Variants in RAD52 observed in about 807,000 individuals in gnomAD.
RAD52 encodes DNA repair protein RAD52 homolog.
RAD52 carries 47 observed loss-of-function variants against 55.5 expected under a neutral mutation model. That is an observed-to-expected ratio of 0.85 (90% confidence interval 0.67 to 1.08). The LOEUF (loss-of-function observed/expected upper bound fraction) is 1.08. RAD52 is among the 50% of genes least tolerant of loss of function. The probability of loss-of-function intolerance (pLI) is 0.00; values close to 1 mark genes in which losing one functional copy is unlikely to be tolerated. For missense variants in RAD52, 468 were observed against 522.8 expected (o/e 0.90, Z 1.02); for synonymous variants, 184 against 198.9 (o/e 0.92, Z 0.63).
chr12:955,458 T>A (rs958471460), intron 1 of RAD52, among the ~76,000 whole-genome samples: 2 of 120,012 alleles, frequency 1.7e-5, no homozygotes, highest in Admixed American at 1.8e-4. Flanking sequence ...GACAGCAACG[T>A]ACTGTTCTTC....
intron 9 of RAD52, 101 bp downstream of exon 9, chr12:916,243 T>TA: frequency 7.2e-6 from 11 of 1,531,814 alleles, no homozygotes; most frequent in East Asian, 4.6e-5. Context: ...CGAGGCCTGG[T>TA]TTGGAGCCGG....
intron 1 of RAD52, chr12:936,976 AC>A (rs34838626): frequency 6.6e-6 from 1 of 151,958 alleles, no homozygotes; most frequent in Non-Finnish European, 1.5e-5. Context: ...ATCACTTCCC[AC>A]CCGTGGCTTG....
At chr12:941,412 A>G (rs1957913750) in intron 1 of RAD52, among the ~76,000 whole-genome samples, 1 of 147,598 alleles carries the variant, frequency 6.8e-6, no homozygotes, top group African/African-American at 2.5e-5. Flanking sequence ...TCTGCCTCCC[A>G]GGTTCAAGTG....
chr12:945,345 T>A (rs1958155733), intron 1 of RAD52, among the ~76,000 whole-genome samples: 1 of 137,322 alleles, frequency 7.3e-6, no homozygotes, highest in African/African-American at 2.8e-5. Context: ...TGAGACTCTG[T>A]CTCAAAAAAA....
intron 1 of RAD52, among the ~76,000 whole-genome samples, chr12:941,587 G>T (rs1009402110): frequency 1.3e-5 from 2 of 150,846 alleles, no homozygotes; most frequent in African/African-American, 4.9e-5. Context: ...CAAATTGCTG[G>T]GATTACAGGT....
chr12:927,605 G>T (rs1172530703), intron 5 of RAD52, among the ~76,000 whole-genome samples: 1 of 152,038 alleles, frequency 6.6e-6, no homozygotes. Context: ...GGTGGCTCAC[G>T]CTGTAATCCC....
At chr12:920,480 C>T (rs1304738607) in intron 7 of RAD52, among the ~76,000 whole-genome samples, 3 of 150,930 alleles carry the variant, frequency 2.0e-5, no homozygotes, top group African/African-American at 4.9e-5. Context: ...TGGTGTGAAC[C>T]CAGGAGGCAG....
chr12:925,333 C>A, intron 7 of RAD52, 117 bp downstream of exon 7: 1 of 831,964 alleles, frequency 1.2e-6, no homozygotes. Context: ...TCAACATTCC[C>A]GACCCTCTAA....
intron 1 of RAD52, among the ~76,000 whole-genome samples, chr12:986,295 C>T (rs1959085143): frequency 6.6e-6 from 1 of 152,024 alleles, no homozygotes; most frequent in African/African-American, 2.4e-5. Flanking sequence ...AACTCCTGGG[C>T]TGAAGCAATC....
At chr12:975,559 C>G (rs540786782) in intron 1 of RAD52, 1 of 152,234 alleles carries the variant, frequency 6.6e-6, no homozygotes, top group Non-Finnish European at 1.5e-5. Flanking sequence ...CATCCCAAAC[C>G]AGAAGTAACC....
At chr12:940,409 CA>C (rs1161271071) in intron 1 of RAD52, among the ~76,000 whole-genome samples, 2 of 152,000 alleles carry the variant, frequency 1.3e-5, no homozygotes, top group Non-Finnish European at 2.9e-5. Context: ...ACAGCCTTGC[CA>C]ACATGATGAA....
At chr12:960,643 G>T (rs1226413300) in intron 1 of RAD52, among the ~76,000 whole-genome samples, 1 of 152,064 alleles carries the variant, frequency 6.6e-6, no homozygotes, top group Admixed American at 6.6e-5. Flanking sequence ...TGTTGTTGTT[G>T]TTTGTAAAGA....
chr12:927,106 C>T (rs774109881), intron 6 of RAD52, 39 bp downstream of exon 6: 1 of 1,585,474 alleles, frequency 6.3e-7, no homozygotes, highest in East Asian at 2.2e-5. Flanking sequence ...GAAGCAAGAG[C>T]TGAAATGACG....
intron 1 of RAD52, among the ~76,000 whole-genome samples, chr12:972,585 T>G (rs1958875679): frequency 6.6e-6 from 1 of 150,702 alleles, no homozygotes; most frequent in South Asian, 2.1e-4. Context: ...GCTAACACGG[T>G]GAAACCCCGT....
At position 913,164 on chromosome 12, in the gene RAD52, C is replaced by T; in HGVS notation, c.*227G>A. 1 of 460,532 alleles carries T rather than the reference C, an allele frequency of 2.2e-6. No individual in the cohort carries two copies. 28.5% of individuals were successfully genotyped at this position (460,532 alleles called of 1,614,324 possible). A position where few individuals can be genotyped will look rare whatever the true frequency, so the allele number is the denominator to read the frequency against. On this transcript the variant is annotated 3_prime_UTR_variant, in exon 12 of 12. Transcript: ENST00000358495. ...CCTCACAAGCCGAAGAAAAGGTATTCATCTGTCCAGAGCCTCTCCCTACTA... is the reference window on the plus strand; with the variant it reads ...CCTCACAAGCCGAAGAAAAGGTATTTATCTGTCCAGAGCCTCTCCCTACTA...
intron 1 of RAD52, among the ~76,000 whole-genome samples, chr12:946,372 A>G (rs1233375908): frequency 6.6e-6 from 1 of 152,202 alleles, no homozygotes; most frequent in Non-Finnish European, 1.5e-5. Flanking sequence ...CTGTAAAGCC[A>G]TCATGAACAC....
intron 5 of RAD52, among the ~76,000 whole-genome samples, chr12:928,659 C>G (rs995168533): frequency 4.6e-5 from 7 of 151,870 alleles, no homozygotes; most frequent in Non-Finnish European, 8.8e-5. Flanking sequence ...ATTTTTGTGG[C>G]AAGATTTCAT....
chr12:953,727 T>C (rs914015665), upstream of RAD52, among the ~76,000 whole-genome samples: 20 of 152,352 alleles, frequency 1.3e-4, no homozygotes, highest in African/African-American at 4.8e-4. Context: ...ACTAACACAA[T>C]GTGATTTCTA....
At position 914,106 on chromosome 12, in the gene RAD52, T is replaced by C. The variant is rs1401745185; in HGVS notation, c.983A>G (p.Asn328Ser). 2 of 1,613,870 alleles carry C rather than the reference T, an allele frequency of 1.2e-6. No individual in the cohort carries two copies. Among genetic ancestry groups the C allele is most frequent in the Non-Finnish European group, 1.7e-6 (2 of 1,179,974 alleles). ...TQELIKTLED[N>S]SEKWAVTPDA... Reference sequence around the variant, plus strand: ...GGGAGTCACAGCCCACTTTTCAGAGTTGTCTTCAAGAGTCTCTACAGAGGT... The same window carrying C: ...GGGAGTCACAGCCCACTTTTCAGAGCTGTCTTCAAGAGTCTCTACAGAGGT... The change falls in exon 11 of 12, where the codon AAC becomes AGC. Residue 328 changes from asparagine (N) to serine (S), a missense_variant. Transcript: ENST00000358495.
Sources: allele counts gnomAD v4.1 joint callset (sites outside exome capture counted in the v4.1 genomes callset), GRCh38; gene constraint gnomAD v4.1.1; transcripts MANE v1.5; gene names NCBI Gene and HGNC (gene_info 2026-07-23, HGNC 2026-07-21).